Variants in ATG14 observed in about 807,000 individuals in gnomAD.
ATG14 encodes the protein beclin 1-associated autophagy-related key regulator.
ATG14 carries 35 observed loss-of-function variants against 60.4 expected under a neutral mutation model. The ratio of observed to expected loss-of-function variants is 0.58; its 90% confidence interval spans 0.44 to 0.77. The LOEUF (loss-of-function observed/expected upper bound fraction) is 0.77. Among genes scored for constraint, ATG14 ranks in the 30% least tolerant of loss-of-function variants. The pLI is 0.00. For missense variants in ATG14, 647 were observed against 626.3 expected, an observed-to-expected ratio of 1.03 and a Z score of -0.35; for synonymous variants, 234 against 228.8, an observed-to-expected ratio of 1.02 and a Z score of -0.21.
At chr14:55,381,870 A>T in intron 6 of ATG14, 92 bp downstream of exon 6, 1 of 1,072,996 alleles carries the variant, frequency 9.3e-7, no homozygotes, top group Non-Finnish European at 1.4e-6. Flanking sequence ...AATGCCCCTG[A>T]ATGGTTCACT....
chr14:55,369,598 G>C lies in ATG14; in HGVS notation c.*21C>G, dbSNP rs370821908. 2.6e-5 allele frequency: 38 copies of C among 1,472,524 alleles called. No homozygotes were observed. The highest frequency in any genetic ancestry group is 4.6e-5 in the Admixed American group (2 of 43,444). 91.2% of individuals were successfully genotyped at this position (1,472,524 alleles called of 1,614,324 possible). ...GAAGAACTTTCTTGATGCAGATTTG[G>C]TATGTTTTGGTCCATGCTCGTTAAC... is the stretch of plus-strand genomic sequence containing the variant. On this transcript the variant is annotated 3_prime_UTR_variant, in exon 10 of 10. Coordinates refer to ENST00000247178, the MANE Select transcript of ATG14 (RefSeq NM_014924.5).
chr14:55,374,534 C>T (rs8013713), intron 9 of ATG14, among the ~76,000 whole-genome samples: 57,816 of 152,070 alleles, frequency 0.38, 11,455 homozygotes, highest in Non-Finnish European at 0.42. Context: ...ACTCAGAGTT[C>T]TGACACAGGA....
At chr14:55,391,793 T>C (rs1885223352) in intron 3 of ATG14, among the ~76,000 whole-genome samples, 1 of 152,222 alleles carries the variant, frequency 6.6e-6, no homozygotes, top group Non-Finnish European at 1.5e-5. Context: ...CCTCTAGTTC[T>C]GGTTACTGAG....
rs1884690357 is a variant in ATG14, at chr14:55,366,859, G to T, written c.*2760C>A. 1 of 152,542 alleles carries T rather than the reference G, an allele frequency of 6.6e-6. No individual in the cohort carries two copies. The highest frequency in any genetic ancestry group is 2.4e-5 in the African/African-American group (1 of 41,404). The allele number at this position is 152,542 out of a possible 1,614,324, so 9.4% of individuals were successfully genotyped here. ...TGGCACCTACATGAAAGATTTTAAT[G>T]AGCAGCAAAAAGAGTAGAAAAAACA... On this transcript the variant is annotated 3_prime_UTR_variant, in exon 10 of 10. Transcript: ENST00000247178.
At chr14:55,405,931 A>T (rs1021088240) in intron 1 of ATG14, among the ~76,000 whole-genome samples, 3 of 150,740 alleles carry the variant, frequency 2.0e-5, no homozygotes, top group African/African-American at 7.3e-5. Flanking sequence ...AAAGCAGAGG[A>T]GGTATTGTTC....
chr14:55,378,777 C>T (rs1884970299), intron 7 of ATG14, among the ~76,000 whole-genome samples: 2 of 152,194 alleles, frequency 1.3e-5, no homozygotes, highest in African/African-American at 4.8e-5. Flanking sequence ...TAGCTCACTA[C>T]AGCCTGCAGC....
intron 2 of ATG14, among the ~76,000 whole-genome samples, chr14:55,396,852 C>A (rs2050669): frequency 0.11 from 16,617 of 151,948 alleles, 2,537 homozygotes; most frequent in African/African-American, 0.34. Context: ...CATTCCCCCC[C>A]ACAAAAAAAA....
Position 55,369,543 on chromosome 14 carries a change from A to G in ATG14, c.*76T>C. On this transcript the variant is annotated 3_prime_UTR_variant, in exon 10 of 10. Transcript: ENST00000247178. ...TGTTCCAGACACTATCTTAACTTAAACAGAAAATGTTTACTAGAGTGTAGT... is the reference window on the plus strand; with the variant it reads ...TGTTCCAGACACTATCTTAACTTAAGCAGAAAATGTTTACTAGAGTGTAGT... 1 of 1,312,612 alleles carries G rather than the reference A, an allele frequency of 7.6e-7. No individual in the cohort carries two copies. The highest frequency in any genetic ancestry group is 1.0e-6 in the Non-Finnish European group (1 of 978,678). The allele number at this position is 1,312,612 out of a possible 1,614,324, so 81.3% of individuals were successfully genotyped here.
At chr14:55,372,109 T>G (rs2140118731) in intron 9 of ATG14, among the ~76,000 whole-genome samples, 1 of 152,248 alleles carries the variant, frequency 6.6e-6, no homozygotes, top group East Asian at 1.9e-4. Flanking sequence ...ATCCTCTGGT[T>G]ACTAAACCCT....
intron 3 of ATG14, among the ~76,000 whole-genome samples, chr14:55,393,065 C>A (rs1885245621): frequency 6.6e-6 from 1 of 152,172 alleles, no homozygotes; most frequent in South Asian, 2.1e-4. Context: ...GCAAAATTCA[C>A]TTCTATCACA....
chr14:55,395,007 T>C, intron 3 of ATG14: 2 of 461,834 alleles, frequency 4.3e-6, no homozygotes, highest in Non-Finnish European at 4.4e-6. Flanking sequence ...TCTTGTTTTC[T>C]GCAGGTAAAT....
intron 4 of ATG14, among the ~76,000 whole-genome samples, chr14:55,390,499 A>G (rs1433667321): frequency 1.3e-5 from 2 of 151,440 alleles, no homozygotes; most frequent in African/African-American, 4.9e-5. Flanking sequence ...TCAGCCTCCC[A>G]AGTAGCTGGG....
rs991095620 is a variant in ATG14, at chr14:55,377,891, T to G, written c.1100A>C (p.Asp367Ala). ...YLCFSQHVNL[D>A]QLQPLHTLRN... ...GAGGGTATGCAGTGGTTGTAATTGA[T>G]CTAAATTTACATGCTAAAAAAAATT... is the stretch of plus-strand genomic sequence containing the variant. Residue 367 changes from aspartate to alanine, a missense_variant, in exon 9 of 10, where the codon GAT (aspartate) becomes GCT (alanine). Asp to Ala is a moderately radical substitution (Grantham distance 126). Transcript: ENST00000247178. 5.0e-6 allele frequency: 8 copies of G among 1,605,846 alleles called. No homozygotes were observed. Among genetic ancestry groups the G allele is most frequent in the Non-Finnish European group, 5.9e-6 (7 of 1,177,030 alleles).
chr14:55,375,640 G>A (rs1884905572), intron 9 of ATG14, among the ~76,000 whole-genome samples: 1 of 151,868 alleles, frequency 6.6e-6, no homozygotes, highest in South Asian at 2.1e-4. Flanking sequence ...CACCATGCCT[G>A]GTTTGAACTA....
intron 4 of ATG14, among the ~76,000 whole-genome samples, chr14:55,389,101 T>C (rs534937501): frequency 2.6e-5 from 4 of 152,368 alleles, no homozygotes; most frequent in African/African-American, 9.6e-5. Context: ...ACCACTGTTA[T>C]AGGGTCCACT....
At chr14:55,394,806 G>GTATT in intron 3 of ATG14, 1 of 288,308 alleles carries the variant, frequency 3.5e-6, no homozygotes, top group African/African-American at 2.2e-5. Flanking sequence ...AGTATGCCTG[G>GTATT]TATTATAGGA....
At chr14:55,371,635 T>A (rs2140117860) in intron 9 of ATG14, among the ~76,000 whole-genome samples, 1 of 152,146 alleles carries the variant, frequency 6.6e-6, no homozygotes, top group South Asian at 2.1e-4. Context: ...AAACCCTGTC[T>A]CTACTAAAAA....
At chr14:55,373,010 G>GAGGCTCCTGGC (rs11275289) in intron 9 of ATG14, among the ~76,000 whole-genome samples, 6 of 151,670 alleles carry the variant, frequency 4.0e-5, no homozygotes, top group African/African-American at 1.5e-4. Context: ...AGAGCAGGAG[G>GAGGCTCCTGGC]AGAGGCCCCT....
intron 9 of ATG14, among the ~76,000 whole-genome samples, chr14:55,373,602 G>C (rs1884863282): frequency 6.6e-6 from 1 of 152,050 alleles, no homozygotes; most frequent in Admixed American, 6.5e-5. Flanking sequence ...TGGGGTTACA[G>C]GCACCCGCCA....
Sources: gnomAD v4.1 joint callset for allele counts (sites outside exome capture counted in the v4.1 genomes callset) on GRCh38, gnomAD v4.1.1 for gene constraint, MANE v1.5 for transcripts, NCBI Gene and HGNC (gene_info 2026-07-23, HGNC 2026-07-21) for gene names.